The following GALNT13 variants were observed in gnomAD, a reference collection of about 807,000 sequenced individuals.
The protein encoded by GALNT13 is polypeptide N-acetylgalactosaminyltransferase 13, also known as UDP-GalNAc:polypeptide N-acetylgalactosaminyltransferase 13.
In GALNT13, 28 loss-of-function variants were observed where a neutral mutation model predicts 64.2. That is an observed-to-expected ratio of 0.44 (90% confidence interval 0.32 to 0.60). The LOEUF (loss-of-function observed/expected upper bound fraction) is 0.60. Ranked by LOEUF, GALNT13 falls within the 20% of genes least tolerant of loss-of-function variation. The pLI is 0.05. For synonymous variants in GALNT13, 214 were observed against 224.6 expected (o/e 0.95, Z 0.42); for missense variants, 577 against 669.8 (o/e 0.86, Z 1.53).
chr2:153,502,748 A>AT, the GALNT13 span, among the ~76,000 whole-genome samples: 1 of 152,188 alleles, frequency 6.6e-6, no homozygotes, highest in South Asian at 2.1e-4. Flanking sequence ...ACCAACATCT[A>AT]CAATTTTTTG....
the GALNT13 span, chr2:153,478,377 G>T: frequency 1.2e-6 from 2 of 1,614,146 alleles, no homozygotes; most frequent in Non-Finnish European, 1.7e-6. Context: ...GTGAGAGCAC[G>T]CACATGACCG....
At chr2:153,068,770 C>A in the GALNT13 span, among the ~76,000 whole-genome samples, 1 of 152,136 alleles carries the variant, frequency 6.6e-6, no homozygotes, top group African/African-American at 2.4e-5. Context: ...TAGGTATAGA[C>A]CCCAAAGATG....
the GALNT13 span, among the ~76,000 whole-genome samples, chr2:153,344,167 T>C: frequency 6.6e-6 from 1 of 152,166 alleles, no homozygotes; most frequent in Non-Finnish European, 1.5e-5. Context: ...ATAATCATAA[T>C]CAAAAATTTA....
At chr2:153,260,725 T>C in the GALNT13 span, among the ~76,000 whole-genome samples, 1 of 152,184 alleles carries the variant, frequency 6.6e-6, no homozygotes, top group Non-Finnish European at 1.5e-5. Context: ...TACTTGAATA[T>C]TGATATCTGT....
the GALNT13 span, among the ~76,000 whole-genome samples, chr2:153,575,134 T>C: frequency 4.6e-5 from 7 of 152,320 alleles, no homozygotes; most frequent in African/African-American, 1.7e-4. Context: ...ACCATCTTGA[T>C]AGTCTTTGAC....
the GALNT13 span, among the ~76,000 whole-genome samples, chr2:153,751,190 A>AT: frequency 2.6e-5 from 4 of 151,668 alleles, no homozygotes; most frequent in East Asian, 7.7e-4. Flanking sequence ...TATTATTTCA[A>AT]TTTTTTGTGT....
intron 12 of GALNT13, 86 bp downstream of exon 12, chr2:154,438,812 T>A: frequency 9.1e-7 from 1 of 1,098,406 alleles, no homozygotes; most frequent in Non-Finnish European, 1.3e-6. Context: ...CTTAAGCTGG[T>A]TTTTATCTAC....
chr2:153,543,175 T>C, the GALNT13 span, among the ~76,000 whole-genome samples: 1 of 152,154 alleles, frequency 6.6e-6, no homozygotes, highest in Non-Finnish European at 1.5e-5. Flanking sequence ...GGTGAATGCT[T>C]GGCAATACCC....
the GALNT13 span, among the ~76,000 whole-genome samples, chr2:153,344,210 T>C: frequency 2.6e-5 from 4 of 152,210 alleles, no homozygotes; most frequent in South Asian, 2.1e-4. Flanking sequence ...AGAGTATAGA[T>C]ACATATTGTA....
chr2:154,428,292 A>T (rs1700556055), intron 11 of GALNT13, among the ~76,000 whole-genome samples: 1 of 152,212 alleles, frequency 6.6e-6, no homozygotes, highest in Non-Finnish European at 1.5e-5. Flanking sequence ...GGAATCCTGT[A>T]ACTTCTTTGG....
At chr2:154,343,832 T>G (rs1695910000) in intron 9 of GALNT13, among the ~76,000 whole-genome samples, 2 of 152,064 alleles carry the variant, frequency 1.3e-5, no homozygotes, top group African/African-American at 2.4e-5. Flanking sequence ...TTAAAAAACT[T>G]TATGAGCTAT....
chr2:153,381,570 A>T, the GALNT13 span, among the ~76,000 whole-genome samples: 1 of 152,078 alleles, frequency 6.6e-6, no homozygotes, highest in East Asian at 1.9e-4. Flanking sequence ...TCTGAAACTG[A>T]GTGACACTAG....
At chr2:153,736,921 C>T in the GALNT13 span, among the ~76,000 whole-genome samples, 1 of 152,210 alleles carries the variant, frequency 6.6e-6, no homozygotes, top group African/African-American at 2.4e-5. Context: ...TTTCTCTTTT[C>T]CATCAACCTC....
chr2:154,162,579 G>A (rs772777573), intron 4 of GALNT13, among the ~76,000 whole-genome samples: 11 of 152,196 alleles, frequency 7.2e-5, no homozygotes, highest in Non-Finnish European at 1.5e-4. Context: ...CATTTCGAAT[G>A]AGATGGGGGT....
chr2:153,565,296 T>C, the GALNT13 span, among the ~76,000 whole-genome samples: 2 of 152,170 alleles, frequency 1.3e-5, no homozygotes, highest in Non-Finnish European at 2.9e-5. Flanking sequence ...GTGCTTTGAC[T>C]ATGTGATCTC....
chr2:153,569,476 C>T, the GALNT13 span, among the ~76,000 whole-genome samples: 1 of 150,900 alleles, frequency 6.6e-6, no homozygotes, highest in African/African-American at 2.4e-5. Flanking sequence ...ATATGTGTGG[C>T]ATGAATGTCT....
chr2:154,287,053 A>T, intron 8 of GALNT13: 1 of 693,296 alleles, frequency 1.4e-6, no homozygotes, highest in Non-Finnish European at 2.6e-6. Context: ...TGATGACCTT[A>T]CAGGTCATCT....
the GALNT13 span, among the ~76,000 whole-genome samples, chr2:153,698,742 C>T: frequency 6.6e-6 from 1 of 152,140 alleles, no homozygotes; most frequent in Admixed American, 6.5e-5. Flanking sequence ...GTGGACTTAA[C>T]AGACATCTAC....
chr2:153,977,872 T>A (rs897022744), intron 3 of GALNT13, among the ~76,000 whole-genome samples: 10 of 152,178 alleles, frequency 6.6e-5, no homozygotes, highest in Non-Finnish European at 1.5e-4. Context: ...ACTATACTCA[T>A]ATCCACTACC....
Sources: gnomAD v4.1 joint callset for allele counts (sites outside exome capture counted in the v4.1 genomes callset) on GRCh38, gnomAD v4.1.1 for gene constraint, MANE v1.5 for transcripts, NCBI Gene and HGNC (gene_info 2026-07-23, HGNC 2026-07-21) for gene names.